Variants in PARD3 observed in about 807,000 individuals in gnomAD.
PARD3 encodes par-3 family cell polarity regulator.
PARD3 carries 75 observed loss-of-function variants against 155.4 expected under a neutral mutation model. The observed-to-expected ratio is 0.48, with a 90% CI of 0.40 to 0.58. The LOEUF (loss-of-function observed/expected upper bound fraction) is 0.58. Among genes scored for constraint, PARD3 ranks in the 20% least tolerant of loss-of-function variants. The pLI is 0.00. For missense variants in PARD3, 1,642 were observed against 1,721.7 expected (o/e 0.95, Z 0.82); for synonymous variants, 576 against 610.5 (o/e 0.94, Z 0.83).
At chr10:34,804,101 T>G (rs1261853973) in intron 1 of PARD3, among the ~76,000 whole-genome samples, 1 of 151,480 alleles carries the variant, frequency 6.6e-6, no homozygotes, top group Non-Finnish European at 1.5e-5. Flanking sequence ...TGGCACGATC[T>G]CAGCTCAATG....
At chr10:34,148,999 A>T (rs1948653631) in intron 22 of PARD3, among the ~76,000 whole-genome samples, 1 of 152,210 alleles carries the variant, frequency 6.6e-6, no homozygotes, top group Non-Finnish European at 1.5e-5. Context: ...CACATTTTAT[A>T]AATGTCTAAG....
At chr10:34,257,535 T>G (rs1954720300) in intron 22 of PARD3, among the ~76,000 whole-genome samples, 1 of 152,230 alleles carries the variant, frequency 6.6e-6, no homozygotes. Flanking sequence ...GATCATGGAA[T>G]GGCCTAAAAT....
rs994585526 is a variant in PARD3 at position 34,111,302 on chromosome 10, T to A, written c.3929A>T (p.Tyr1310Phe). Reference sequence around the variant, plus strand: ...GTAACTGGGGTCCTGGACTTTCTTATACGAGTCATAGTTGCTGGGCCCCTC... The same window carrying A: ...GTAACTGGGGTCCTGGACTTTCTTAAACGAGTCATAGTTGCTGGGCCCCTC... ...PSEGPSNYDS[Y>F]KKVQDPSYAP... Residue 1310 changes from tyrosine to phenylalanine, a missense_variant, in exon 25 of 25, where the codon TAT becomes TTT. By Grantham distance (22) the Tyr-to-Phe change is conservative (BLOSUM62 3). This residue lies in a region of PARD3 where 1,529 missense variants were observed against 1,587.3 expected (regional missense o/e 0.96). Coordinates refer to ENST00000374788, the MANE Select transcript of PARD3 (RefSeq NM_001184785.2). The A allele has an allele frequency of 3.1e-6, 5 of 1,613,942 alleles. No individual in the cohort carries two copies. The highest frequency in any genetic ancestry group is 4.2e-6 in the Non-Finnish European group (5 of 1,179,934).
intron 12 of PARD3, among the ~76,000 whole-genome samples, chr10:34,368,718 G>C (rs1001325737): frequency 8.6e-5 from 13 of 151,530 alleles, no homozygotes; most frequent in African/African-American, 3.2e-4. Context: ...TCAGGAGAAA[G>C]TATTTGCAAA....
chr10:34,310,497 T>G (rs922109508), intron 20 of PARD3, among the ~76,000 whole-genome samples: 1 of 152,212 alleles, frequency 6.6e-6, no homozygotes, highest in Admixed American at 6.5e-5. Flanking sequence ...GACACCTGCA[T>G]TCTATATTCA....
intron 2 of PARD3, among the ~76,000 whole-genome samples, chr10:34,639,786 AG>A (rs549657555): frequency 5.1e-4 from 78 of 152,264 alleles, no homozygotes; most frequent in Middle Eastern, 3.4e-3. Flanking sequence ...GAACTGCTTG[AG>A]GCCAGGAGAT....
intron 15 of PARD3, among the ~76,000 whole-genome samples, chr10:34,343,075 T>C (rs1331408388): frequency 6.6e-6 from 1 of 152,192 alleles, no homozygotes; most frequent in East Asian, 1.9e-4. Context: ...TCAGCAAAAG[T>C]GTCATTCATC....
intron 23 of PARD3, among the ~76,000 whole-genome samples, chr10:34,129,451 C>A (rs776208495): frequency 2.6e-5 from 4 of 152,190 alleles, no homozygotes; most frequent in Non-Finnish European, 2.9e-5. Context: ...TTGTGCCTGG[C>A]CTGCAATCAT....
chr10:34,309,891 C>T (rs1282585660), intron 20 of PARD3, among the ~76,000 whole-genome samples: 1 of 127,614 alleles, frequency 7.8e-6, no homozygotes, highest in African/African-American at 2.6e-5. Flanking sequence ...AAAGGATCAA[C>T]CATCCAAAAA....
chr10:34,662,485 C>G (rs2093348172), intron 2 of PARD3, among the ~76,000 whole-genome samples: 1 of 152,084 alleles, frequency 6.6e-6, no homozygotes, highest in Admixed American at 6.5e-5. Context: ...TCACAATAGC[C>G]AAGATTTGGA....
intron 22 of PARD3, among the ~76,000 whole-genome samples, chr10:34,224,144 G>A (rs556250736): frequency 7.9e-5 from 12 of 152,256 alleles, no homozygotes; most frequent in African/African-American, 2.4e-4. Context: ...AATCATCAAC[G>A]CCCTTATATT....
intron 2 of PARD3, among the ~76,000 whole-genome samples, chr10:34,592,579 C>T (rs141218439): frequency 1.2e-3 from 186 of 152,268 alleles, no homozygotes; most frequent in Non-Finnish European, 2.1e-3. Flanking sequence ...AGTTTGAGAT[C>T]AGCCTGGCCA....
At chr10:34,297,412 T>TA (rs1465481554) in intron 20 of PARD3, among the ~76,000 whole-genome samples, 2 of 152,192 alleles carry the variant, frequency 1.3e-5, no homozygotes, top group Non-Finnish European at 2.9e-5. Flanking sequence ...AACTACTGTA[T>TA]AAAAAATAGT....
chr10:34,538,095 G>A (rs561987194), intron 2 of PARD3, among the ~76,000 whole-genome samples: 5 of 152,280 alleles, frequency 3.3e-5, no homozygotes, highest in South Asian at 2.1e-4. Flanking sequence ...TTGTTTAGCC[G>A]AGATCCGCCA....
chr10:34,349,971 G>GA (rs1837864455), intron 14 of PARD3, among the ~76,000 whole-genome samples: 1 of 152,008 alleles, frequency 6.6e-6, no homozygotes, highest in Non-Finnish European at 1.5e-5. Flanking sequence ...CGTCTGTTCA[G>GA]AAAAAAACCA....
intron 9 of PARD3, 72 bp from the exon 10 acceptor site, chr10:34,378,178 A>G (rs1017491395): frequency 3.7e-5 from 41 of 1,094,956 alleles, no homozygotes; most frequent in Non-Finnish European, 5.4e-5. Context: ...TTGCACCAGT[A>G]TACTCAACCT....
At chr10:34,740,105 C>G (rs117193979) in intron 1 of PARD3, among the ~76,000 whole-genome samples, 45 of 152,298 alleles carry the variant, frequency 3.0e-4, no homozygotes, top group Non-Finnish European at 6.3e-4. Flanking sequence ...TGGTGAGAGC[C>G]TCCCGTCCCC....
At position 34,540,239 on chromosome 10, in the gene PARD3, A is replaced by G. The variant is rs143378465; in HGVS notation, c.223-23080T>C. Among the ~76,000 whole-genome samples the G allele has an allele frequency of 6.6e-5, 10 of 152,276 alleles. No individual in the cohort carries two copies. The East Asian group carries it at 1.5e-3, about 24-fold the overall frequency. On this transcript the variant is annotated intron_variant, in intron 2 of 24. Transcript: ENST00000374788. ...CTGCTGCATCCCCAGGACCTAGAACAGTGTCTTGCACATAGTAGGTACAGA... is the reference window on the plus strand; with the variant it reads ...CTGCTGCATCCCCAGGACCTAGAACGGTGTCTTGCACATAGTAGGTACAGA...
intron 19 of PARD3, among the ~76,000 whole-genome samples, chr10:34,322,011 G>A (rs1958412621): frequency 6.6e-6 from 1 of 151,836 alleles, no homozygotes; most frequent in South Asian, 2.1e-4. Flanking sequence ...AATTTCTGTT[G>A]GCCGCTTATC....
Sources: allele counts gnomAD v4.1 joint callset (sites outside exome capture counted in the v4.1 genomes callset), GRCh38; gene constraint gnomAD v4.1.1; regional missense constraint gnomAD v4.1.1; transcripts MANE v1.5; gene names NCBI Gene and HGNC (gene_info 2026-07-23, HGNC 2026-07-21).